The following IL7 variants were observed in gnomAD, a reference collection of about 807,000 sequenced individuals.
IL7 encodes interleukin-7.
IL7 carries 3 observed loss-of-function variants against 21.6 expected under a neutral mutation model. The observed-to-expected ratio is 0.14, with a 90% CI of 0.06 to 0.36. IL7 has a LOEUF of 0.36. IL7 is among the 10% of genes least tolerant of loss of function. The probability of loss-of-function intolerance (pLI) is 1.00; values close to 1 mark genes in which losing one functional copy is unlikely to be tolerated. For missense variants in IL7, 175 were observed against 200.2 expected, an observed-to-expected ratio of 0.87 and a Z score of 0.76; for synonymous variants, 62 against 68.1, an observed-to-expected ratio of 0.91 and a Z score of 0.44.
intron 3 of IL7, among the ~76,000 whole-genome samples, chr8:78,702,823 A>C (rs1337281130): frequency 6.6e-6 from 1 of 152,040 alleles, no homozygotes; most frequent in African/African-American, 2.4e-5. Context: ...GGTTTGAGAG[A>C]ATATTTGTTA....
intron 3 of IL7, among the ~76,000 whole-genome samples, chr8:78,687,398 C>T (rs1484285487): frequency 2.0e-5 from 3 of 149,084 alleles, no homozygotes; most frequent in Non-Finnish European, 3.0e-5. Flanking sequence ...TAGTAAATAT[C>T]TTAGATTTTA....
chr8:78,802,587 C>T (rs1030449752), intron 1 of IL7, among the ~76,000 whole-genome samples: 2 of 152,084 alleles, frequency 1.3e-5, no homozygotes, highest in South Asian at 4.2e-4. Context: ...CCCACCACAA[C>T]GCCTGGCAAA....
At chr8:78,759,027 G>C (rs930832930) in intron 2 of IL7, among the ~76,000 whole-genome samples, 1 of 150,250 alleles carries the variant, frequency 6.7e-6, no homozygotes, top group Non-Finnish European at 1.5e-5. Flanking sequence ...TATGTCATTA[G>C]GCTTTCTTCA....
chr8:78,744,415 G>A (rs1020979935), intron 2 of IL7, among the ~76,000 whole-genome samples: 1 of 152,098 alleles, frequency 6.6e-6, no homozygotes, highest in Non-Finnish European at 1.5e-5. Flanking sequence ...CTGCCCGATC[G>A]GTTTGGACTC....
chr8:78,783,560 G>A (rs1159156729), intron 2 of IL7, among the ~76,000 whole-genome samples: 2 of 152,024 alleles, frequency 1.3e-5, no homozygotes, highest in Non-Finnish European at 2.9e-5. Flanking sequence ...TCACTCATTA[G>A]TCTTAAGGTT....
At chr8:78,760,070 A>T in intron 2 of IL7, 1 of 1,383,042 alleles carries the variant, frequency 7.2e-7, no homozygotes, top group Non-Finnish European at 9.5e-7. Flanking sequence ...TTAGTGATTA[A>T]GTGGCCTACA....
chr8:78,769,871 A>T (rs1294399268), intron 2 of IL7, among the ~76,000 whole-genome samples: 2 of 152,182 alleles, frequency 1.3e-5, no homozygotes, highest in African/African-American at 4.8e-5. Flanking sequence ...AGGCCTCAGA[A>T]ATAATGCCAC....
chr8:78,715,417 C>A, downstream of IL7: 1 of 1,214,602 alleles, frequency 8.2e-7, no homozygotes, highest in Non-Finnish European at 1.1e-6. Context: ...AAGTAACAAG[C>A]TATTTATAGA....
intron 4 of IL7, chr8:78,678,890 T>G (rs1809671611): frequency 3.3e-6 from 1 of 304,784 alleles, no homozygotes; most frequent in African/African-American, 2.2e-5. Flanking sequence ...CTTCTAAACT[T>G]CAAAGAAGAG....
chr8:78,742,548 A>C (rs1451065776), intron 2 of IL7, among the ~76,000 whole-genome samples: 1 of 152,096 alleles, frequency 6.6e-6, no homozygotes, highest in African/African-American at 2.4e-5. Context: ...TAACTCTTAT[A>C]GTAGAGGAAA....
intron 1 of IL7, among the ~76,000 whole-genome samples, chr8:78,801,518 G>A (rs1425941248): frequency 6.6e-6 from 1 of 151,942 alleles, no homozygotes; most frequent in African/African-American, 2.4e-5. Context: ...ATCTTACCGT[G>A]AGCCATGGCC....
At chr8:78,803,877 A>G (rs915344769) in intron 1 of IL7, among the ~76,000 whole-genome samples, 2 of 152,246 alleles carry the variant, frequency 1.3e-5, no homozygotes, top group South Asian at 2.1e-4. Context: ...GGTTGTGTCA[A>G]TTCTTGATTC....
At chr8:78,679,274 T>G (rs1159354441) in intron 4 of IL7, 2 of 152,166 alleles carry the variant, frequency 1.3e-5, no homozygotes, top group African/African-American at 4.8e-5. Flanking sequence ...ATATCTGTTA[T>G]ATATTATAGT....
At chr8:78,680,287 A>C (rs1408293824) in intron 4 of IL7, among the ~76,000 whole-genome samples, 180 of 3,608 alleles carry the variant, frequency 0.05, no homozygotes, top group African/African-American at 0.082. Context: ...ACTCCGTCTC[A>C]AAAAAAAAAA....
intron 3 of IL7, among the ~76,000 whole-genome samples, chr8:78,707,523 T>A (rs1271196715): frequency 1.3e-5 from 2 of 152,258 alleles, no homozygotes; most frequent in Admixed American, 1.3e-4. Flanking sequence ...ACCTGGTTAC[T>A]AATGGAAAAT....
At chr8:78,708,673 T>A (rs1306613763) in intron 3 of IL7, among the ~76,000 whole-genome samples, 1 of 16,450 alleles carries the variant, frequency 6.1e-5, no homozygotes, top group East Asian at 0.018. Flanking sequence ...GATGATTATC[T>A]TTTTTTTTTC....
At chr8:78,750,704 G>C (rs1273272770) in intron 2 of IL7, among the ~76,000 whole-genome samples, 2 of 152,136 alleles carry the variant, frequency 1.3e-5, no homozygotes, top group African/African-American at 2.4e-5. Flanking sequence ...GGCACCTGTA[G>C]TCCCAGCTAC....
At chr8:78,737,062 T>C (rs1244435514) in intron 4 of IL7, among the ~76,000 whole-genome samples, 1 of 152,164 alleles carries the variant, frequency 6.6e-6, no homozygotes, top group Non-Finnish European at 1.5e-5. Flanking sequence ...CAATGTAATA[T>C]AATTTAATTT....
intron 4 of IL7, among the ~76,000 whole-genome samples, chr8:78,679,972 A>G (rs1809715153): frequency 6.6e-6 from 1 of 152,168 alleles, no homozygotes; most frequent in East Asian, 1.9e-4. Flanking sequence ...GCAGTGTAAT[A>G]TAGTGGGTGT....
Sources: allele counts gnomAD v4.1 joint callset (sites outside exome capture counted in the v4.1 genomes callset), GRCh38; gene constraint gnomAD v4.1.1; transcripts MANE v1.5; gene names NCBI Gene and HGNC (gene_info 2026-07-23, HGNC 2026-07-21).